Variants in HFM1 observed in about 807,000 individuals in gnomAD.
HFM1 encodes probable ATP-dependent DNA helicase HFM1.
In HFM1, 169 loss-of-function variants were observed where a neutral mutation model predicts 192.1. That is an observed-to-expected ratio of 0.88 (90% CI 0.78 to 1.00). The LOEUF (loss-of-function observed/expected upper bound fraction) is 1.00. Among genes scored for constraint, HFM1 ranks in the 50% least tolerant of loss-of-function variants. The pLI is 0.00. For missense variants in HFM1, 1,661 were observed against 1,668.0 expected (o/e 1.00, Z 0.07); for synonymous variants, 525 against 537.8 (o/e 0.98, Z 0.33).
intron 30 of HFM1, among the ~76,000 whole-genome samples, chr1:91,304,633 A>ATTTTT (rs58215219): frequency 7.1e-6 from 1 of 140,694 alleles, no homozygotes; most frequent in Non-Finnish European, 1.5e-5. Context: ...CAGCCGGCTA[A>ATTTTT]TTTTTTTTTT....
At chr1:91,266,905 G>C (rs1272056772) in intron 35 of HFM1, among the ~76,000 whole-genome samples, 1 of 152,154 alleles carries the variant, frequency 6.6e-6, no homozygotes, top group East Asian at 1.9e-4. Flanking sequence ...AGCAGTATTA[G>C]TTCTCTAGGT....
Position 91,315,868 on chromosome 1 carries a change from A to G in HFM1, c.3087T>C (p.Val1029=). 12 of 1,611,104 alleles carry G rather than the reference A, an allele frequency of 7.4e-6. No individual in the cohort carries two copies. The highest frequency in any genetic ancestry group is 1.0e-5 in the Non-Finnish European group (12 of 1,177,652). The change falls in exon 28 of 39, where the codon GTT becomes GTC. Residue 1029 remains valine (V), a synonymous_variant. Transcript: ENST00000370425. ...TATCTGCGTCACCTATGATTAAGGT[A>G]ACATAGTGAGAATCCGATGCTGTTC... The part of the protein sequence containing the change: ...TKRTASDSHY[V]TLIIGDADNQ...
At chr1:91,306,833 AT>A (rs1649675906) in intron 30 of HFM1, among the ~76,000 whole-genome samples, 1 of 152,082 alleles carries the variant, frequency 6.6e-6, no homozygotes. Context: ...TTGTGGAAAA[AT>A]TTTTACTAAC....
intron 20 of HFM1, among the ~76,000 whole-genome samples, chr1:91,335,858 C>A: frequency 6.6e-6 from 1 of 152,050 alleles, no homozygotes; most frequent in Middle Eastern, 3.2e-3. Flanking sequence ...TGGCCCCAGT[C>A]AATGACTGAG....
chr1:91,405,521 C>T (rs1323763959), upstream of HFM1, among the ~76,000 whole-genome samples: 2 of 152,184 alleles, frequency 1.3e-5, no homozygotes, highest in African/African-American at 4.8e-5. Flanking sequence ...CTAGGGCCAA[C>T]CTACTGCTGT....
intron 1 of HFM1, among the ~76,000 whole-genome samples, chr1:91,403,131 A>G (rs1410963757): frequency 1.3e-5 from 2 of 152,156 alleles, no homozygotes; most frequent in Non-Finnish European, 1.5e-5. Context: ...CTGATAACTA[A>G]CATTATAGTA....
Position 91,372,361 on chromosome 1 carries a change from G to T in HFM1, c.1685+2997C>A, listed in dbSNP as rs539433051. On this transcript the variant is annotated intron_variant, in intron 13 of 38. Transcript: ENST00000370425. Reference sequence around the variant, plus strand: ...CCCAAATGTCCAACAATGATAGACTGGATTAAGAAAATGTGGCACATGTAC... The same window carrying T: ...CCCAAATGTCCAACAATGATAGACTTGATTAAGAAAATGTGGCACATGTAC... 2.0e-5 allele frequency among the ~76,000 whole-genome samples: 3 copies of T among 152,258 alleles called. No homozygotes were observed. The South Asian group carries it at 6.2e-4, about 32-fold the overall frequency.
chr1:91,399,581 T>C (rs537085054), intron 2 of HFM1, among the ~76,000 whole-genome samples: 1 of 152,312 alleles, frequency 6.6e-6, no homozygotes, highest in African/African-American at 2.4e-5. Context: ...TCATGAATTG[T>C]CTATTCCAGG....
At chr1:91,293,204 G>T (rs969125364) in intron 30 of HFM1, among the ~76,000 whole-genome samples, 1 of 151,986 alleles carries the variant, frequency 6.6e-6, no homozygotes, top group African/African-American at 2.4e-5. Flanking sequence ...TTGACAAATG[G>T]GATCTAATTA....
At position 91,322,935 on chromosome 1, in the gene HFM1, A is replaced by T; in HGVS notation, c.2582+15T>A. The T allele has an allele frequency of 8.3e-7, 1 of 1,203,480 alleles. No homozygotes were observed. The highest frequency in any genetic ancestry group is 2.8e-5 in the East Asian group (1 of 36,260). 74.6% of individuals were successfully genotyped at this position (1,203,480 alleles called of 1,614,324 possible). A position where few individuals can be genotyped will look rare whatever the true frequency, so the allele number is the denominator to read the frequency against. ...CCAAAAAAAGAAAACTTTCATAAGT[A>T]TGAATCATCTTTACCAATTTACTTT... is the stretch of plus-strand genomic sequence containing the variant. On this transcript the variant is annotated intron_variant, in intron 23 of 38. Transcript: ENST00000370425.
At chr1:91,312,061 C>A (rs1265000151) in intron 30 of HFM1, among the ~76,000 whole-genome samples, 3 of 152,164 alleles carry the variant, frequency 2.0e-5, no homozygotes, top group Non-Finnish European at 2.9e-5. Context: ...GAACCTCCAC[C>A]TGGATTTCAG....
At chr1:91,389,342 A>G (rs1014823023) in intron 4 of HFM1, among the ~76,000 whole-genome samples, 3 of 151,984 alleles carry the variant, frequency 2.0e-5, no homozygotes, top group Non-Finnish European at 2.9e-5. Flanking sequence ...TCGTATTTTT[A>G]GTAGAGACAG....
At chr1:91,345,155 A>G (rs1324340238) in intron 19 of HFM1, among the ~76,000 whole-genome samples, 1 of 152,226 alleles carries the variant, frequency 6.6e-6, no homozygotes, top group African/African-American at 2.4e-5. Context: ...GGAAAACAAC[A>G]ACATCATAGA....
In HFM1 at chr1:91,276,967, T is replaced by C. The variant is rs1666884205; in HGVS notation, c.3472+15A>G. On this transcript the variant is annotated intron_variant, in intron 31 of 38. Coordinates refer to ENST00000370425, the MANE Select transcript of HFM1 (RefSeq NM_001017975.6). ...ATTTTGAACACTTTAAATAAACTTGTTTTAAGGAACTCACAGCAGTCATGT... is the reference window on the plus strand; with the variant it reads ...ATTTTGAACACTTTAAATAAACTTGCTTTAAGGAACTCACAGCAGTCATGT... 2 of 1,501,416 alleles carry C rather than the reference T, an allele frequency of 1.3e-6. No homozygotes were observed. The highest frequency in any genetic ancestry group is 1.3e-5 in the South Asian group (1 of 79,722). 93.0% of individuals were successfully genotyped at this position (1,501,416 alleles called of 1,614,324 possible).
At chr1:91,321,693 T>C (rs766740069) in intron 23 of HFM1, among the ~76,000 whole-genome samples, 1 of 152,166 alleles carries the variant, frequency 6.6e-6, no homozygotes, top group African/African-American at 2.4e-5. Flanking sequence ...TTCTTGGTTA[T>C]GCTTAAATAA....
At chr1:91,295,085 T>A (rs1464784924) in intron 30 of HFM1, among the ~76,000 whole-genome samples, 2 of 152,184 alleles carry the variant, frequency 1.3e-5, no homozygotes, top group African/African-American at 4.8e-5. Context: ...TACAGCAATA[T>A]CTCATTGTAG....
At position 91,375,477 on chromosome 1, in the gene HFM1, T is replaced by A. The variant is rs759708555; in HGVS notation, c.1597-31A>T. On this transcript the variant is annotated intron_variant, in intron 12 of 38. Coordinates refer to ENST00000370425, the MANE Select transcript of HFM1 (RefSeq NM_001017975.6). Reference sequence around the variant, plus strand: ...AATAAATTCATAACGTTTGTATTAATCATGTTAAAAACTGAATATACTAAA... The same window carrying A: ...AATAAATTCATAACGTTTGTATTAAACATGTTAAAAACTGAATATACTAAA... The A allele has an allele frequency of 1.9e-6, 3 of 1,610,718 alleles. No individual in the cohort carries two copies. In the South Asian group the frequency reaches 3.3e-5, roughly 18 times the overall value.
intron 20 of HFM1, chr1:91,338,990 G>T (rs1317893828): frequency 4.4e-6 from 2 of 455,646 alleles, no homozygotes; most frequent in Non-Finnish European, 8.8e-6. Flanking sequence ...TGAGCATGCA[G>T]CCCAGGAGCA....
At chr1:91,368,174 C>A (rs1279003326) in intron 13 of HFM1, among the ~76,000 whole-genome samples, 2 of 152,164 alleles carry the variant, frequency 1.3e-5, no homozygotes, top group African/African-American at 2.4e-5. Flanking sequence ...AAACTCTCTG[C>A]AGGATATTAT....
Sources: allele counts gnomAD v4.1 joint callset (sites outside exome capture counted in the v4.1 genomes callset), GRCh38; gene constraint gnomAD v4.1.1; transcripts MANE v1.5; gene names NCBI Gene and HGNC (gene_info 2026-07-23, HGNC 2026-07-21).